Variants in RAPGEF4 observed in about 807,000 individuals in gnomAD.
RAPGEF4 encodes Rap guanine nucleotide exchange factor 4, also known as RAP guanine-nucleotide-exchange factor (GEF) 4.
Under a neutral mutation model 147.9 loss-of-function variants are expected in RAPGEF4, and 66 were observed. The observed-to-expected ratio is 0.45, with a 90% CI of 0.37 to 0.55. The LOEUF is 0.55. RAPGEF4 is among the 20% of genes least tolerant of loss of function. The pLI, the probability that RAPGEF4 is intolerant of heterozygous loss-of-function variation, is 0.00. For synonymous variants in RAPGEF4, 419 were observed against 442.7 expected (o/e 0.95, Z 0.67); for missense variants, 1,071 against 1,257.3 (o/e 0.85, Z 2.24).
At chr2:172,799,908 C>T (rs1686800165) in intron 3 of RAPGEF4, among the ~76,000 whole-genome samples, 1 of 152,186 alleles carries the variant, frequency 6.6e-6, no homozygotes, top group Non-Finnish European at 1.5e-5. Flanking sequence ...AAAATAGTAT[C>T]TGGCCAGGGG....
intron 10 of RAPGEF4, among the ~76,000 whole-genome samples, chr2:172,971,684 A>G (rs1690501490): frequency 6.6e-6 from 1 of 152,190 alleles, no homozygotes; most frequent in South Asian, 2.1e-4. Flanking sequence ...AGAGATGGGA[A>G]AGTGAAAAGT....
At chr2:172,805,306 C>T (rs1045357337) in intron 3 of RAPGEF4, among the ~76,000 whole-genome samples, 2 of 152,200 alleles carry the variant, frequency 1.3e-5, no homozygotes, top group African/African-American at 4.8e-5. Context: ...TCTTTTGTTA[C>T]TGCCTTGAAA....
chr2:173,001,413 TATCTC>T lies in RAPGEF4; in HGVS notation c.1658+74_1658+78del, dbSNP rs200988295. 1.1e-3 allele frequency: 1,708 copies of T among 1,589,716 alleles called. 23 individuals are homozygous for T. In the African/African-American group the frequency reaches 0.021, roughly 19 times the overall value. On this transcript the variant is annotated intron_variant, in intron 17 of 30. Coordinates refer to ENST00000397081, the MANE Select transcript of RAPGEF4 (RefSeq NM_007023.4). ...AACCCCCCCTATCGAGGGCCATTCTTATCTCATCTTCTGCAGGTAAGTCATGGCCC... is the reference window on the plus strand; with the variant it reads ...AACCCCCCCTATCGAGGGCCATTCTTATCTTCTGCAGGTAAGTCATGGCCC...
intron 10 of RAPGEF4, among the ~76,000 whole-genome samples, chr2:172,977,059 A>G (rs1467250621): frequency 6.6e-6 from 1 of 152,242 alleles, no homozygotes; most frequent in East Asian, 1.9e-4. Flanking sequence ...GAGAAGGACA[A>G]GTAAAGACCA....
In RAPGEF4 at chr2:172,974,566, C is replaced by A. The variant is rs532609548; in HGVS notation, c.1004+7122C>A. Among the ~76,000 whole-genome samples the A allele has an allele frequency of 2.0e-5, 3 of 152,250 alleles. No homozygotes were observed. In the East Asian group the frequency reaches 5.8e-4, roughly 29 times the overall value. ...AGGCGTAATGGTGCATGCCTGTAAT[C>A]CCAGCTATCAGGAGGCTGAGGTGGG... is the stretch of plus-strand genomic sequence containing the variant. On this transcript the variant is annotated intron_variant, in intron 10 of 30. Coordinates refer to ENST00000397081, the MANE Select transcript of RAPGEF4 (RefSeq NM_007023.4).
At chr2:172,928,304 A>G (rs1685579183) in intron 6 of RAPGEF4, 2 of 437,266 alleles carry the variant, frequency 4.6e-6, no homozygotes, top group Middle Eastern at 3.4e-4. Flanking sequence ...CTCAACTCTT[A>G]CAAAAGCTAG....
Position 172,926,057 on chromosome 2 carries a change from G to C in RAPGEF4, c.537+3757G>C, listed in dbSNP as rs1339302098. On this transcript the variant is annotated intron_variant, in intron 6 of 30. Transcript: ENST00000397081. The stretch of plus-strand genomic sequence containing the variant: ...ACGGAGGGAGGGAGGGAGGGAGGGA[G>C]GGAGGGAAGTCAGGCAGGCAGACAG... 4.7e-5 allele frequency among the ~76,000 whole-genome samples: 6 copies of C among 126,878 alleles called. 1 individual carries two copies. In the South Asian group the frequency reaches 1.3e-3, roughly 28 times the overall value. 83.2% of individuals were successfully genotyped at this position (126,878 alleles called of 152,430 possible). A position where few individuals can be genotyped will look rare whatever the true frequency, so the allele number is the denominator to read the frequency against.
At chr2:172,748,469 C>T (rs1694971911) in intron 1 of RAPGEF4, among the ~76,000 whole-genome samples, 1 of 152,124 alleles carries the variant, frequency 6.6e-6, no homozygotes, top group African/African-American at 2.4e-5. Flanking sequence ...AGGGGTTTCC[C>T]TTTATAATAC....
At chr2:172,950,239 CG>C (rs1688077062) in intron 6 of RAPGEF4, among the ~76,000 whole-genome samples, 1 of 151,938 alleles carries the variant, frequency 6.6e-6, no homozygotes, top group Admixed American at 6.6e-5. Context: ...TTGATGAGGG[CG>C]GTAGGGGAGG....
chr2:172,764,594 A>G (rs1696656305), intron 1 of RAPGEF4, among the ~76,000 whole-genome samples: 1 of 152,174 alleles, frequency 6.6e-6, no homozygotes, highest in Non-Finnish European at 1.5e-5. Flanking sequence ...ATCCCCTGAG[A>G]TACAGCTGGG....
chr2:172,969,567 C>T (rs1436770183), intron 10 of RAPGEF4, among the ~76,000 whole-genome samples: 1 of 152,232 alleles, frequency 6.6e-6, no homozygotes, highest in Admixed American at 6.5e-5. Flanking sequence ...ACAGTCCCAG[C>T]TAATGTTCCC....
chr2:172,961,240 A>G lies in RAPGEF4; in HGVS notation c.698+12A>G, dbSNP rs754262917. 2.6e-6 allele frequency: 4 copies of G among 1,536,484 alleles called. No homozygotes were observed. The highest frequency in any genetic ancestry group is 3.3e-5 in the Admixed American group (2 of 59,748). ...CTAAAGACATACAGGTATGTGTGCT[A>G]ATTCTAAAGGCTGTGCCCCGCTCAT... On this transcript the variant is annotated intron_variant, in intron 8 of 30. Coordinates refer to ENST00000397081, the MANE Select transcript of RAPGEF4 (RefSeq NM_007023.4).
intron 4 of RAPGEF4, among the ~76,000 whole-genome samples, chr2:172,872,807 T>A (rs559136695): frequency 1.1e-4 from 17 of 152,248 alleles, no homozygotes; most frequent in Admixed American, 3.3e-4. Flanking sequence ...CTTATTTTCT[T>A]CATAAATTAC....
chr2:173,017,346 T>A (rs753002833), intron 20 of RAPGEF4, 80 bp from the exon 21 acceptor site: 8 of 1,490,600 alleles, frequency 5.4e-6, no homozygotes, highest in Non-Finnish European at 7.5e-6. Context: ...CTCTGCTTGC[T>A]TCTCAGATGT....
intron 1 of RAPGEF4, among the ~76,000 whole-genome samples, chr2:172,773,757 C>A (rs187103432): frequency 1.1e-3 from 171 of 150,446 alleles, no homozygotes; most frequent in African/African-American, 4.0e-3. Context: ...AGCTCTAAAG[C>A]CAAAAAACAA....
At chr2:172,917,657 C>T in intron 4 of RAPGEF4, 145 bp from the exon 5 acceptor site, 1 of 715,290 alleles carries the variant, frequency 1.4e-6, no homozygotes, top group Non-Finnish European at 2.5e-6. Context: ...AGACCAGAGA[C>T]CCCGGAGAAC....
At chr2:172,798,335 C>T (rs1686602441) in intron 3 of RAPGEF4, among the ~76,000 whole-genome samples, 1 of 151,930 alleles carries the variant, frequency 6.6e-6, no homozygotes, top group South Asian at 2.1e-4. Context: ...GAACCCAGGG[C>T]CTTCTTTCAC....
At chr2:172,988,885 T>G in intron 14 of RAPGEF4, 46 bp downstream of exon 14, 3 of 1,576,802 alleles carry the variant, frequency 1.9e-6, no homozygotes, top group Non-Finnish European at 2.6e-6. Context: ...CATTTTTTTC[T>G]TTAACTAAAT....
chr2:172,955,149 AG>A (rs1688598177), intron 6 of RAPGEF4, among the ~76,000 whole-genome samples: 1 of 152,230 alleles, frequency 6.6e-6, no homozygotes, highest in Non-Finnish European at 1.5e-5. Context: ...TTGAGGAAAA[AG>A]AATTACCCCC....
Sources: gnomAD v4.1 joint callset for allele counts (sites outside exome capture counted in the v4.1 genomes callset) on GRCh38, gnomAD v4.1.1 for gene constraint, MANE v1.5 for transcripts, NCBI Gene and HGNC (gene_info 2026-07-23, HGNC 2026-07-21) for gene names.